ACTR3C: variants seen among roughly 807,000 people sequenced by gnomAD.
ACTR3C encodes actin-related protein 3C.
In ACTR3C, 18 loss-of-function variants were observed where a neutral mutation model predicts 26.3. The observed-to-expected ratio is 0.68, with a 90% CI of 0.47 to 1.01. The LOEUF is 1.01. Ranked by LOEUF, ACTR3C falls within the 50% of genes least tolerant of loss-of-function variation. The probability of loss-of-function intolerance (pLI) is 0.00; values close to 1 mark genes in which losing one functional copy is unlikely to be tolerated. For missense variants in ACTR3C, 184 were observed against 250.7 expected (o/e 0.73, Z 1.80); for synonymous variants, 55 against 94.5 (o/e 0.58, Z 2.42).
the ACTR3C span, among the ~76,000 whole-genome samples, chr7:149,923,066 T>C: frequency 7.2e-6 from 1 of 139,372 alleles, no homozygotes; most frequent in Non-Finnish European, 1.5e-5. Context: ...TAATTACTCA[T>C]AGTTGGGAGC....
the ACTR3C span, among the ~76,000 whole-genome samples, chr7:149,941,201 A>G: frequency 6.6e-6 from 1 of 152,204 alleles, no homozygotes; most frequent in African/African-American, 2.4e-5. Context: ...ACATTCTGAA[A>G]CTTATAGGTT....
At chr7:150,135,693 G>C in the ACTR3C span, among the ~76,000 whole-genome samples, 1 of 151,916 alleles carries the variant, frequency 6.6e-6, no homozygotes, top group Non-Finnish European at 1.5e-5. Flanking sequence ...ATAAAGTACT[G>C]TATTGTATGA....
At chr7:149,948,506 C>A in the ACTR3C span, among the ~76,000 whole-genome samples, 4 of 150,812 alleles carry the variant, frequency 2.7e-5, no homozygotes, top group African/African-American at 9.8e-5. Flanking sequence ...TCCCTCAGGG[C>A]AGGCTCTGCC....
At chr7:150,137,843 T>C in the ACTR3C span, among the ~76,000 whole-genome samples, 2 of 152,156 alleles carry the variant, frequency 1.3e-5, no homozygotes, top group South Asian at 4.2e-4. Flanking sequence ...AAATGAGAAA[T>C]TTCATGTTAC....
At chr7:150,151,035 T>C in the ACTR3C span, among the ~76,000 whole-genome samples, 3 of 99,810 alleles carry the variant, frequency 3.0e-5, 1 homozygote, top group Non-Finnish European at 5.9e-5. Flanking sequence ...TAAGTGTATG[T>C]TTATTATACA....
At chr7:150,175,773 C>T in the ACTR3C span, among the ~76,000 whole-genome samples, 2 of 141,348 alleles carry the variant, frequency 1.4e-5, no homozygotes, top group Non-Finnish European at 3.0e-5. Flanking sequence ...CAAGATCCTG[C>T]CATTGCACTC....
At chr7:150,241,045 TAAAG>T (rs1268768466), downstream of ACTR3C, among the ~76,000 whole-genome samples, 1 of 151,666 alleles carries the variant, frequency 6.6e-6, no homozygotes, top group Non-Finnish European at 1.5e-5. Context: ...TGAGAGAAAT[TAAAG>T]AAAGCTAATT....
intron 6 of ACTR3C, among the ~76,000 whole-genome samples, chr7:150,267,775 C>T (rs548345956): frequency 1.3e-5 from 2 of 152,264 alleles, no homozygotes; most frequent in South Asian, 4.1e-4. Flanking sequence ...AGAAGGGACT[C>T]CTGTATATGA....
At chr7:150,032,339 G>A in the ACTR3C span, among the ~76,000 whole-genome samples, 1 of 152,186 alleles carries the variant, frequency 6.6e-6, no homozygotes, top group Non-Finnish European at 1.5e-5. Flanking sequence ...TTGAGGATGA[G>A]ACGCTGCAAG....
At chr7:149,986,095 TG>T in the ACTR3C span, among the ~76,000 whole-genome samples, 6 of 151,906 alleles carry the variant, frequency 3.9e-5, no homozygotes, top group African/African-American at 1.5e-4. Context: ...GATCTTGTCC[TG>T]GGCCATGGTC....
the ACTR3C span, among the ~76,000 whole-genome samples, chr7:149,996,920 G>A: frequency 5.3e-3 from 785 of 147,246 alleles, 4 homozygotes; most frequent in East Asian, 0.041. Flanking sequence ...ACTGCCACCC[G>A]GGGCCACGCC....
At chr7:150,067,950 G>A in the ACTR3C span, among the ~76,000 whole-genome samples, 1 of 152,028 alleles carries the variant, frequency 6.6e-6, no homozygotes, top group Non-Finnish European at 1.5e-5. Context: ...AGAACAATCT[G>A]GTGATGCCAG....
At chr7:150,121,355 T>G in the ACTR3C span, among the ~76,000 whole-genome samples, 1 of 152,178 alleles carries the variant, frequency 6.6e-6, no homozygotes, top group Non-Finnish European at 1.5e-5. Context: ...CAAAAACTCC[T>G]TAAGCTGATA....
the ACTR3C span, among the ~76,000 whole-genome samples, chr7:150,011,796 T>C: frequency 9.2e-5 from 14 of 152,338 alleles, no homozygotes; most frequent in South Asian, 1.5e-3. Flanking sequence ...AAGAACTTAC[T>C]GTGTTCGTTC....
chr7:150,227,953 G>A, the ACTR3C span, among the ~76,000 whole-genome samples: 4 of 151,912 alleles, frequency 2.6e-5, no homozygotes, highest in Non-Finnish European at 5.9e-5. Flanking sequence ...TTCTTCTTCG[G>A]TAGTGTATTG....
chr7:150,148,335 G>A, the ACTR3C span, among the ~76,000 whole-genome samples: 16 of 151,850 alleles, frequency 1.1e-4, no homozygotes, highest in East Asian at 1.9e-4. Context: ...AAATTAGCCA[G>A]GCGTGGTGGC....
the ACTR3C span, among the ~76,000 whole-genome samples, chr7:150,073,361 G>A: frequency 2.0e-5 from 3 of 147,942 alleles, no homozygotes; most frequent in Non-Finnish European, 4.5e-5. Context: ...CAAAAAAAAT[G>A]TTTAGAAACA....
At chr7:150,053,495 C>T in the ACTR3C span, among the ~76,000 whole-genome samples, 1 of 152,246 alleles carries the variant, frequency 6.6e-6, no homozygotes, top group Non-Finnish European at 1.5e-5. Context: ...TGACCACTGG[C>T]ATGCCTTGTG....
chr7:150,038,881 G>T, the ACTR3C span, among the ~76,000 whole-genome samples: 227 of 63,242 alleles, frequency 3.6e-3, 13 homozygotes, highest in African/African-American at 0.011. Flanking sequence ...CTGCCTCGCG[G>T]GGGGTGCCTC....
Sources: gnomAD v4.1 joint callset for allele counts (sites outside exome capture counted in the v4.1 genomes callset) on GRCh38, gnomAD v4.1.1 for gene constraint, MANE v1.5 for transcripts, NCBI Gene and HGNC (gene_info 2026-07-23, HGNC 2026-07-21) for gene names.